Variants in ITPR1 observed in about 807,000 individuals in gnomAD.
ITPR1 encodes inositol 1,4,5-trisphosphate receptor type 1.
In ITPR1, 96 loss-of-function variants were observed where a neutral mutation model predicts 318.4. The observed-to-expected ratio is 0.30, with a 90% CI of 0.26 to 0.36. The LOEUF (loss-of-function observed/expected upper bound fraction) is 0.36, where lower values mean the gene tolerates loss of function less well. ITPR1 is among the 10% of genes least tolerant of loss of function. The probability of loss-of-function intolerance (pLI) is 1.00; values close to 1 mark genes in which losing one functional copy is unlikely to be tolerated. For synonymous variants in ITPR1, 1,312 were observed against 1,289.9 expected, an observed-to-expected ratio of 1.02 and a Z score of -0.37; for missense variants, 2,440 against 3,460.2, an observed-to-expected ratio of 0.71 and a Z score of 7.40.
intron 4 of ITPR1, among the ~76,000 whole-genome samples, chr3:4,535,442 A>AT (rs34152018): frequency 0.026 from 2,610 of 100,956 alleles, 221 homozygotes; most frequent in African/African-American, 0.089. Context: ...TTTTTTTTTA[A>AT]TTTTTTTTTT....
intron 26 of ITPR1, among the ~76,000 whole-genome samples, chr3:4,682,748 G>T (rs1252852541): frequency 2.6e-5 from 4 of 152,118 alleles, no homozygotes; most frequent in East Asian, 3.8e-4. Context: ...AGTCTTCTCT[G>T]TGCTTTTCTT....
intron 60 of ITPR1, among the ~76,000 whole-genome samples, chr3:4,833,822 G>A (rs762114188): frequency 6.6e-6 from 1 of 152,180 alleles, no homozygotes; most frequent in Non-Finnish European, 1.5e-5. Flanking sequence ...ATCAGTCACT[G>A]GTTGTTGGGT....
rs2093064799 is a variant in ITPR1 at position 4,633,052 on chromosome 3, C to G, written c.279+5174C>G. Among the ~76,000 whole-genome samples the G allele has an allele frequency of 2.7e-5, 4 of 150,246 alleles. No homozygotes were observed. In the Admixed American group the frequency reaches 2.7e-4, roughly 10 times the overall value. ...CTCCCGGGTTCAAGCGATTTCCCTG[C>G]CTTAGCGTCCTGAGTAGCTGGGACT... is the stretch of plus-strand genomic sequence containing the variant. On this transcript the variant is annotated intron_variant, in intron 5 of 61. Transcript: ENST00000649015.
At chr3:4,622,581 G>A (rs577164143) in intron 4 of ITPR1, among the ~76,000 whole-genome samples, 25 of 151,666 alleles carry the variant, frequency 1.6e-4, no homozygotes, top group African/African-American at 5.8e-4. Flanking sequence ...CCGCCACCAC[G>A]CCCAGCTAAT....
At chr3:4,591,116 C>T (rs535356142) in intron 4 of ITPR1, among the ~76,000 whole-genome samples, 1 of 151,760 alleles carries the variant, frequency 6.6e-6, no homozygotes, top group Admixed American at 6.6e-5. Flanking sequence ...TTTTCTTTAT[C>T]CAATCTGTCA....
chr3:4,744,608 G>A (rs558763529), intron 44 of ITPR1, among the ~76,000 whole-genome samples: 1 of 152,332 alleles, frequency 6.6e-6, no homozygotes, highest in East Asian at 1.9e-4. Flanking sequence ...ATGACCCTCA[G>A]CGTGTGAAAT....
intron 4 of ITPR1, among the ~76,000 whole-genome samples, chr3:4,540,541 C>G: frequency 6.6e-6 from 1 of 151,824 alleles, no homozygotes; most frequent in Non-Finnish European, 1.5e-5. Flanking sequence ...TTTTTTCCCC[C>G]TCCTTTAAGT....
At chr3:4,821,116 G>C (rs2049686425) in intron 60 of ITPR1, among the ~76,000 whole-genome samples, 1 of 152,246 alleles carries the variant, frequency 6.6e-6, no homozygotes, top group Non-Finnish European at 1.5e-5. Context: ...AGCTACTCCA[G>C]CGTGGAGGAC....
At chr3:4,760,697 T>C (rs1409965310) in intron 44 of ITPR1, among the ~76,000 whole-genome samples, 1 of 152,222 alleles carries the variant, frequency 6.6e-6, no homozygotes, top group Non-Finnish European at 1.5e-5. Flanking sequence ...TTTTCCAGTT[T>C]CCAGAGGCCA....
At chr3:4,627,213 C>T (rs1014541545) in intron 4 of ITPR1, among the ~76,000 whole-genome samples, 5 of 152,010 alleles carry the variant, frequency 3.3e-5, no homozygotes, top group Non-Finnish European at 5.9e-5. Context: ...ACAGCAAGGA[C>T]TATTTGTCCT....
chr3:4,573,188 G>A lies in ITPR1; in HGVS notation c.163+52094G>A, dbSNP rs149907341. Among the ~76,000 whole-genome samples the A allele has an allele frequency of 3.5e-3, 529 of 152,042 alleles. 7 individuals are homozygous for A. The highest frequency in any genetic ancestry group is 0.012 in the African/African-American group (498 of 41,488). ...TACTGTTTTCCATTACAGTTGTTTC[G>A]TTTTATAATCTCGCCAACAGTGTAC... On this transcript the variant is annotated intron_variant, in intron 4 of 61. Transcript: ENST00000649015.
intron 44 of ITPR1, among the ~76,000 whole-genome samples, chr3:4,740,422 A>G (rs2043615630): frequency 6.6e-6 from 1 of 152,234 alleles, no homozygotes; most frequent in South Asian, 2.1e-4. Flanking sequence ...ACAGCACTCC[A>G]GAAATTCTAG....
chr3:4,666,330 C>G (rs1274132279), intron 17 of ITPR1, among the ~76,000 whole-genome samples: 1 of 152,080 alleles, frequency 6.6e-6, no homozygotes, highest in Non-Finnish European at 1.5e-5. Flanking sequence ...GTGTATCAAG[C>G]TGTGATTGCT....
rs775064608 is a variant in ITPR1, at chr3:4,699,799, C to A, written c.4408-14C>A. 6.2e-7 allele frequency: 1 copy of A among 1,613,096 alleles called. No homozygotes were observed. The highest frequency in any genetic ancestry group is 8.5e-7 in the Non-Finnish European group (1 of 1,179,354). On this transcript the variant is annotated splice_polypyrimidine_tract_variant and intron_variant, in intron 34 of 61. Transcript: ENST00000649015. ...GTTTTGGTGTAATGCTTAACATACC[C>A]ACTTGTCTTCCAGGCCTGTAACAAC... is the stretch of plus-strand genomic sequence containing the variant.
At chr3:4,514,907 G>A (rs1013675649) in intron 2 of ITPR1, among the ~76,000 whole-genome samples, 1 of 152,118 alleles carries the variant, frequency 6.6e-6, no homozygotes, top group African/African-American at 2.4e-5. Context: ...ATGTAGTTAC[G>A]AAGAATTAAA....
At chr3:4,679,250 C>T (rs569474790) in intron 24 of ITPR1, among the ~76,000 whole-genome samples, 1 of 152,236 alleles carries the variant, frequency 6.6e-6, no homozygotes, top group Non-Finnish European at 1.5e-5. Context: ...TGTGTTAGCG[C>T]TCTCCAGAGA....
At chr3:4,707,778 T>G (rs1202074022) in intron 37 of ITPR1, among the ~76,000 whole-genome samples, 1 of 152,178 alleles carries the variant, frequency 6.6e-6, no homozygotes, top group Non-Finnish European at 1.5e-5. Context: ...ATTATTACTA[T>G]TATTACTGTT....
At position 4,800,471 on chromosome 3, in the gene ITPR1, C is replaced by T. The variant is rs1318993295; in HGVS notation, c.6978C>T (p.Leu2326=). 2 of 1,613,944 alleles carry T rather than the reference C, an allele frequency of 1.2e-6. No homozygotes were observed. The highest frequency in any genetic ancestry group is 1.7e-5 in the Admixed American group (1 of 60,016). Residue 2326 remains leucine, a synonymous_variant, in exon 54 of 62, where the codon CTC becomes CTT. Transcript: ENST00000649015. ...HWSGLLWTAM[L]ISLAIVIALP... ...CGGGACTCCTGTGGACAGCCATGCT[C>T]ATCTCTCTGGCCATCGTCATTGCCC...
At chr3:4,670,995 C>T (rs190867573) in intron 20 of ITPR1, 69 bp downstream of exon 20, 1,257 of 1,145,964 alleles carry the variant, frequency 1.1e-3, no homozygotes, top group Non-Finnish European at 1.3e-3. Context: ...ATTTGTTGCT[C>T]GTTTGTTGAT....
Sources: allele counts gnomAD v4.1 joint callset (sites outside exome capture counted in the v4.1 genomes callset), GRCh38; gene constraint gnomAD v4.1.1; transcripts MANE v1.5; gene names NCBI Gene and HGNC (gene_info 2026-07-23, HGNC 2026-07-21).